JADE3: variants seen among roughly 807,000 people sequenced by gnomAD.
JADE3 encodes the protein jade family PHD finger 3, also known as protein Jade-3.
Under a neutral mutation model 50.1 loss-of-function variants are expected in JADE3, and 2 were observed. That is an observed-to-expected ratio of 0.04 (90% CI 0.02 to 0.13). The LOEUF (loss-of-function observed/expected upper bound fraction) is 0.13, where lower values mean the gene tolerates loss of function less well. JADE3 is among the 10% of genes least tolerant of loss of function. The pLI is 1.00. For missense variants in JADE3, 475 were observed against 634.4 expected (o/e 0.75, Z 2.70); for synonymous variants, 218 against 232.9 (o/e 0.94, Z 0.58).
At chrX:47,008,560 A>C (rs782410377) in intron 4 of JADE3, among the ~76,000 whole-genome samples, 8 of 111,930 alleles carry the variant, frequency 7.1e-5, no homozygotes, top group African/African-American at 2.6e-4. Context: ...TTATTTCACT[A>C]TATGTTTATA....
chrX:46,991,797 G>A (rs1928015054), intron 3 of JADE3, among the ~76,000 whole-genome samples: 1 of 111,551 alleles, frequency 9.0e-6, no homozygotes, highest in African/African-American at 3.3e-5. Context: ...GTCCTCATAG[G>A]AATTTTGTTT....
intron 1 of JADE3, among the ~76,000 whole-genome samples, chrX:46,983,561 C>A (rs1209414407): frequency 9.0e-6 from 1 of 111,173 alleles, no homozygotes; most frequent in African/African-American, 3.3e-5. Flanking sequence ...ATGCCGACAT[C>A]CTGTTCTTCC....
intron 10 of JADE3, among the ~76,000 whole-genome samples, chrX:47,057,101 A>G (rs1929646338): frequency 8.9e-6 from 1 of 111,838 alleles, no homozygotes; most frequent in Admixed American, 9.5e-5. Flanking sequence ...AGCAGAGGAC[A>G]ACAGGGAGAG....
At chrX:47,025,921 C>T (rs1233464303) in intron 5 of JADE3, among the ~76,000 whole-genome samples, 1 of 111,793 alleles carries the variant, frequency 8.9e-6, no homozygotes, top group Non-Finnish European at 1.9e-5. Flanking sequence ...TATCTGAATG[C>T]ACATGAATAA....
chrX:46,952,581 T>C (rs781978430), intron 1 of JADE3, among the ~76,000 whole-genome samples: 1 of 112,681 alleles, frequency 8.9e-6, no homozygotes, highest in Non-Finnish European at 1.9e-5. Context: ...TTGTTATTTC[T>C]CTGGTACTTT....
chrX:46,980,952 A>C (rs1042325087), intron 1 of JADE3, among the ~76,000 whole-genome samples: 5 of 111,765 alleles, frequency 4.5e-5, no homozygotes, highest in African/African-American at 1.6e-4. Flanking sequence ...CAGAAGGGTC[A>C]GAGAATGAGA....
Position 46,923,393 on chromosome X carries a change from C to CTTTTTTTTTTTTTTTTTTTT in JADE3, c.-12+10683_-12+10702dup. 1.8e-3 allele frequency among the ~76,000 whole-genome samples: 21 copies of CTTTTTTTTTTTTTTTTTTTT among 11,522 alleles called. 7 individuals carry two copies. Among genetic ancestry groups the CTTTTTTTTTTTTTTTTTTTT allele is most frequent in the Non-Finnish European group, 4.2e-3 (21 of 4,943 alleles). 10.0% of individuals were successfully genotyped at this position (11,522 alleles called of 115,157 possible). On this transcript the variant is annotated intron_variant, in intron 1 of 10. Transcript: ENST00000614628. ...ATTTCTTTTCTCTCTCTCTCTCTCT[C>CTTTTTTTTTTTTTTTTTTTT]TTTTTTTTTTTTTTTTTTTTTTTTT... is the stretch of plus-strand genomic sequence containing the variant.
intron 8 of JADE3, 54 bp from the exon 9 acceptor site, chrX:47,054,104 G>A: frequency 1.2e-6 from 1 of 852,169 alleles, no homozygotes; most frequent in East Asian, 3.2e-5. Context: ...AGAAACATAG[G>A]TCTCTCCCTT....
intron 7 of JADE3, among the ~76,000 whole-genome samples, chrX:47,036,411 C>T (rs1449212217): frequency 4.5e-5 from 5 of 110,816 alleles, no homozygotes; most frequent in African/African-American, 1.3e-4. Flanking sequence ...CGATGAGATA[C>T]CATCTCACAC....
At chrX:47,000,140 C>T (rs1928245103) in intron 4 of JADE3, among the ~76,000 whole-genome samples, 1 of 111,199 alleles carries the variant, frequency 9.0e-6, no homozygotes, top group African/African-American at 3.3e-5. Flanking sequence ...TGCCTATGCT[C>T]TGTTAAGGAA....
At chrX:46,952,235 A>G (rs1408383412) in intron 1 of JADE3, among the ~76,000 whole-genome samples, 1 of 111,885 alleles carries the variant, frequency 8.9e-6, no homozygotes, top group East Asian at 2.8e-4. Flanking sequence ...ATATTATGTT[A>G]TGAGACTCTG....
chrX:46,932,668 G>A (rs1926522384), intron 1 of JADE3, among the ~76,000 whole-genome samples: 1 of 111,856 alleles, frequency 8.9e-6, no homozygotes, highest in South Asian at 3.7e-4. Flanking sequence ...ATTACTGACT[G>A]TTGGTTTTGA....
intron 7 of JADE3, among the ~76,000 whole-genome samples, chrX:47,034,538 A>G (rs1929091265): frequency 9.0e-6 from 1 of 111,388 alleles, no homozygotes; most frequent in African/African-American, 3.3e-5. Context: ...AGGCTATTAC[A>G]AATAAAGTGA....
chrX:47,028,404 C>T (rs1928950733), intron 6 of JADE3, among the ~76,000 whole-genome samples: 1 of 109,839 alleles, frequency 9.1e-6, no homozygotes, highest in Non-Finnish European at 1.9e-5. Context: ...GATCTCATTG[C>T]TGCCTGTCTG....
At chrX:46,933,008 C>T in intron 1 of JADE3, among the ~76,000 whole-genome samples, 1 of 112,118 alleles carries the variant, frequency 8.9e-6, no homozygotes, top group East Asian at 2.8e-4. Flanking sequence ...AATTGATAAA[C>T]TATCAGCTGC....
chrX:46,999,603 G>A (rs1385522351), intron 4 of JADE3, among the ~76,000 whole-genome samples: 2 of 108,531 alleles, frequency 1.8e-5, no homozygotes, highest in African/African-American at 3.4e-5. Context: ...CCAAATAAAA[G>A]GGGATTACTG....
chrX:46,921,489 T>G (rs1556337743), intron 1 of JADE3, among the ~76,000 whole-genome samples: 1 of 111,554 alleles, frequency 9.0e-6, no homozygotes, highest in East Asian at 2.8e-4. Context: ...GTTGTAGGAT[T>G]TTTTTTTAAT....
At position 47,056,079 on chromosome X, in the gene JADE3, C is replaced by G. The variant is rs1556373349; in HGVS notation, c.1444-3C>G. 8.7e-7 allele frequency: 1 copy of G among 1,145,783 alleles called. No individual in the cohort carries two copies. Among genetic ancestry groups the G allele is most frequent in the Non-Finnish European group, 1.2e-6 (1 of 839,762 alleles). 94.4% of individuals were successfully genotyped at this position (1,145,783 alleles called of 1,213,427 possible). A position where few individuals can be genotyped will look rare whatever the true frequency, so the allele number is the denominator to read the frequency against. ...CTCTATTTGTTGGGGATTGGGCTTT[C>G]AGGTCCGAAATCTGTGCTATATGAT... On this transcript the variant is annotated splice_polypyrimidine_tract_variant and splice_region_variant and intron_variant, in intron 9 of 10. Coordinates refer to ENST00000614628, the MANE Select transcript of JADE3 (RefSeq NM_014735.5).
intron 1 of JADE3, among the ~76,000 whole-genome samples, chrX:46,943,366 AT>A (rs1294910699): frequency 5.4e-5 from 6 of 110,545 alleles, no homozygotes; most frequent in African/African-American, 1.3e-4. Context: ...ATTTTGAGGT[AT>A]TTTTTTTGAT....
Sources: allele counts gnomAD v4.1 joint callset (sites outside exome capture counted in the v4.1 genomes callset), GRCh38; gene constraint gnomAD v4.1.1; transcripts MANE v1.5; gene names NCBI Gene and HGNC (gene_info 2026-07-23, HGNC 2026-07-21).